Variants in MYH11 observed in about 807,000 individuals in gnomAD.
The protein encoded by MYH11 is myosin heavy chain 11.
Under a neutral mutation model 246.6 loss-of-function variants are expected in MYH11, and 80 were observed. That is an observed-to-expected ratio of 0.32 (90% CI 0.27 to 0.39). The LOEUF (loss-of-function observed/expected upper bound fraction) is 0.39, where lower values mean the gene tolerates loss of function less well. MYH11 is among the 10% of genes least tolerant of loss of function. The pLI is 1.00. For missense variants in MYH11, 2,158 were observed against 2,546.8 expected (o/e 0.85, Z 3.29); for synonymous variants, 1,071 against 1,015.5 (o/e 1.05, Z -1.04).
chr16:15,741,708 CG>C, intron 21 of MYH11, 39 bp from the exon 22 acceptor site: 5 of 1,614,046 alleles, frequency 3.1e-6, no homozygotes, highest in Non-Finnish European at 4.2e-6. Context: ...GTGAGCCCCA[CG>C]GGGCCAAGTC....
intron 7 of MYH11, among the ~76,000 whole-genome samples, chr16:15,777,828 A>C (rs939065563): frequency 2.0e-5 from 3 of 152,140 alleles, no homozygotes; most frequent in Non-Finnish European, 4.4e-5. Flanking sequence ...AACTAGGTGC[A>C]ATCACCCCCA....
At chr16:15,715,415 G>C in intron 38 of MYH11, 143 bp from the exon 39 acceptor site, 1 of 758,012 alleles carries the variant, frequency 1.3e-6, no homozygotes, top group Non-Finnish European at 2.3e-6. Context: ...TGGTGGAATA[G>C]TATTCAGCCA....
chr16:15,818,278 G>C (rs745571585), intron 3 of MYH11, among the ~76,000 whole-genome samples: 4 of 152,076 alleles, frequency 2.6e-5, no homozygotes, highest in Non-Finnish European at 5.9e-5. Flanking sequence ...GAATGAGATC[G>C]TGCCATTTAT....
intron 10 of MYH11, among the ~76,000 whole-genome samples, chr16:15,763,248 C>T (rs537439746): frequency 2.2e-4 from 34 of 152,298 alleles, no homozygotes; most frequent in South Asian, 1.9e-3. Context: ...CTCCCCAAGA[C>T]GACCACAGAT....
intron 1 of MYH11, among the ~76,000 whole-genome samples, chr16:15,852,554 G>A (rs180772648): frequency 6.6e-6 from 1 of 152,096 alleles, no homozygotes; most frequent in East Asian, 1.9e-4. Context: ...GGCCAGGCTG[G>A]TCTTGAACTC....
At chr16:15,795,085 A>T (rs2042713120) in intron 4 of MYH11, among the ~76,000 whole-genome samples, 1 of 150,882 alleles carries the variant, frequency 6.6e-6, no homozygotes, top group Admixed American at 6.6e-5. Flanking sequence ...AGGTGGGTGG[A>T]TCACCTGAGA....
Position 15,720,144 on chromosome 16 carries a change from C to T in MYH11, c.4953+7G>A. 6.2e-7 allele frequency: 1 copy of T among 1,614,122 alleles called. No individual in the cohort carries two copies. Among genetic ancestry groups the T allele is most frequent in the Middle Eastern group, 1.6e-4 (1 of 6,062 alleles). ...CACCCATGCCCCAAGCTCCTAGTGTCACCCACCTGCAGTTTGCGTAGCTGC... is the reference window on the plus strand; with the variant it reads ...CACCCATGCCCCAAGCTCCTAGTGTTACCCACCTGCAGTTTGCGTAGCTGC... On this transcript the variant is annotated splice_region_variant and intron_variant, in intron 34 of 40. Coordinates refer to ENST00000300036, the MANE Select transcript of MYH11 (RefSeq NM_002474.3).
intron 3 of MYH11, among the ~76,000 whole-genome samples, chr16:15,821,992 A>T (rs2043426795): frequency 6.6e-6 from 1 of 151,984 alleles, no homozygotes; most frequent in Admixed American, 6.5e-5. Context: ...TTACAGCTCC[A>T]AGATTGCCTT....
chr16:15,753,276 C>G, intron 15 of MYH11, 118 bp downstream of exon 15: 1 of 875,978 alleles, frequency 1.1e-6, no homozygotes, highest in South Asian at 1.4e-5. Context: ...AATGCTCTTC[C>G]TTCCCCTGCC....
chr16:15,740,011 G>T lies in MYH11; in HGVS notation c.2997+40C>A, dbSNP rs766488065. 1.9e-6 allele frequency: 3 copies of T among 1,610,122 alleles called. No individual in the cohort carries two copies. In the Admixed American group the frequency reaches 5.0e-5, roughly 27 times the overall value. On this transcript the variant is annotated intron_variant, in intron 23 of 40. Coordinates refer to ENST00000300036, the MANE Select transcript of MYH11 (RefSeq NM_002474.3). The stretch of plus-strand genomic sequence containing the variant: ...CATACCTTGGCCTCCCAAAGTGCTC[G>T]GATTATAGGCGTGAGCCACTGCACC...
chr16:15,719,292 T>G lies in MYH11; in HGVS notation c.5099A>C (p.Glu1700Ala). Residue 1700 changes from glutamate to alanine, a missense_variant, in exon 36 of 41, where the codon GAG becomes GCG. Glu to Ala is a moderately radical substitution (Grantham distance 107, BLOSUM62 -1). Transcript: ENST00000300036. ...MQLQEDLAAAERARKQADLEK... is the reference protein window; with the variant it reads ...MQLQEDLAAAARARKQADLEK... ...GAGGTCCGCTTGTTTGCGAGCCCTC[T>G]CAGCGGCGGCGAGGTCCTAGGTGGG... is the stretch of plus-strand genomic sequence containing the variant. 1 of 1,612,032 alleles carries G rather than the reference T, an allele frequency of 6.2e-7. No homozygotes were observed.
chr16:15,741,987 T>TG, intron 20 of MYH11, 96 bp from the exon 21 acceptor site: 1 of 1,534,034 alleles, frequency 6.5e-7, no homozygotes, highest in African/African-American at 1.4e-5. Context: ...GGGACAATGT[T>TG]GCCCCCACCG....
At chr16:15,704,943 C>A (rs3784858) in intron 40 of MYH11, among the ~76,000 whole-genome samples, 12 of 151,982 alleles carry the variant, frequency 7.9e-5, no homozygotes, top group African/African-American at 2.9e-4. Context: ...CCTCCCAAAG[C>A]GCTGGCATTA....
At position 15,727,190 on chromosome 16, in the gene MYH11, G is replaced by A. The variant is rs2040809110; in HGVS notation, c.3652-136C>T. ...GCACACAATCACCAGTAAGAGATTT[G>A]GGGTTTTTTTGTTGTTATTTTTTTT... On this transcript the variant is annotated intron_variant, in intron 27 of 40. Transcript: ENST00000300036. The A allele has an allele frequency of 6.5e-6, 5 of 773,118 alleles. No homozygotes were observed. The Admixed American group carries it at 9.6e-5, about 15-fold the overall frequency. 47.9% of individuals were successfully genotyped at this position (773,118 alleles called of 1,614,324 possible).
chr16:15,715,511 C>T (rs1415965055), intron 38 of MYH11, among the ~76,000 whole-genome samples: 1 of 152,232 alleles, frequency 6.6e-6, no homozygotes. Flanking sequence ...TAGCAGACAA[C>T]ATAGTGTGTG....
intron 8 of MYH11, among the ~76,000 whole-genome samples, chr16:15,774,301 C>A (rs967295618): frequency 6.6e-6 from 1 of 152,220 alleles, no homozygotes. Flanking sequence ...AGAATACAAA[C>A]GGCCCCTGGG....
chr16:15,718,995 G>A, intron 36 of MYH11: 1 of 578,108 alleles, frequency 1.7e-6, no homozygotes, highest in Non-Finnish European at 3.1e-6. Context: ...AGGCATGGTG[G>A]TACACACCTG....
chr16:15,707,886 C>T (rs1163696555), intron 40 of MYH11, among the ~76,000 whole-genome samples: 4 of 148,674 alleles, frequency 2.7e-5, no homozygotes, highest in Admixed American at 1.4e-4. Context: ...GTAGGAGAAT[C>T]GCTTGAACCC....
intron 4 of MYH11, among the ~76,000 whole-genome samples, chr16:15,793,034 C>T (rs2042651079): frequency 6.6e-6 from 1 of 152,110 alleles, no homozygotes; most frequent in Non-Finnish European, 1.5e-5. Context: ...CATGCCCAGC[C>T]TGTCATCCAT....
Sources: gnomAD v4.1 joint callset for allele counts (sites outside exome capture counted in the v4.1 genomes callset) on GRCh38, gnomAD v4.1.1 for gene constraint, MANE v1.5 for transcripts, NCBI Gene and HGNC (gene_info 2026-07-23, HGNC 2026-07-21) for gene names.